HHAT: variants seen among roughly 807,000 people sequenced by gnomAD.
HHAT encodes the protein hedgehog acyltransferase, also known as protein-cysteine N-palmitoyltransferase HHAT.
A neutral mutation model predicts 70.8 loss-of-function variants in HHAT; 47 were observed. That is an observed-to-expected ratio of 0.66 (90% confidence interval 0.53 to 0.85). HHAT has a LOEUF of 0.85. Among genes scored for constraint, HHAT ranks in the 40% least tolerant of loss-of-function variants. HHAT has a pLI of 0.00. For synonymous variants in HHAT, 228 were observed against 247.6 expected (o/e 0.92, Z 0.74); for missense variants, 609 against 604.8 (o/e 1.01, Z -0.07).
intron 11 of HHAT, among the ~76,000 whole-genome samples, chr1:210,625,587 A>G (rs1005490126): frequency 7.2e-5 from 11 of 152,238 alleles, no homozygotes; most frequent in Admixed American, 6.5e-4. Flanking sequence ...TGGGCTTTTC[A>G]GAAGAGGTGG....
chr1:210,619,028 A>G (rs1370387722), intron 10 of HHAT, among the ~76,000 whole-genome samples: 1 of 152,128 alleles, frequency 6.6e-6, no homozygotes, highest in African/African-American at 2.4e-5. Context: ...CCTCCATCTC[A>G]TCTTAGTCTC....
chr1:210,542,492 A>AT (rs2095440328), intron 9 of HHAT, among the ~76,000 whole-genome samples: 2 of 139,198 alleles, frequency 1.4e-5, no homozygotes, highest in South Asian at 5.0e-4. Flanking sequence ...TTAGTTAAAA[A>AT]AAAAATATAT....
intron 10 of HHAT, among the ~76,000 whole-genome samples, chr1:210,604,091 T>C (rs1305176091): frequency 6.6e-6 from 1 of 152,136 alleles, no homozygotes. Flanking sequence ...TTTTTTGTTT[T>C]GTTTTGTTTT....
chr1:210,526,470 T>C (rs1200955666), intron 9 of HHAT, among the ~76,000 whole-genome samples: 1 of 151,578 alleles, frequency 6.6e-6, no homozygotes, highest in African/African-American at 2.4e-5. Context: ...GCTTTGCCTA[T>C]GAGCTGCGTC....
chr1:210,347,734 T>TG (rs1386486617), intron 1 of HHAT, among the ~76,000 whole-genome samples: 1 of 152,294 alleles, frequency 6.6e-6, no homozygotes, highest in Non-Finnish European at 1.5e-5. Flanking sequence ...CTAAGTAGTC[T>TG]GGGGCACTTT....
At chr1:210,336,455 A>G (rs2085508982) in intron 1 of HHAT, among the ~76,000 whole-genome samples, 1 of 151,844 alleles carries the variant, frequency 6.6e-6, no homozygotes, top group Non-Finnish European at 1.5e-5. Context: ...CTCAGTGACA[A>G]TTACTTGGTA....
At chr1:210,574,804 A>C (rs1298008630) in intron 9 of HHAT, among the ~76,000 whole-genome samples, 1 of 152,182 alleles carries the variant, frequency 6.6e-6, no homozygotes, top group Non-Finnish European at 1.5e-5. Flanking sequence ...TCTTTATTGC[A>C]CTTGTCCTCA....
intron 10 of HHAT, among the ~76,000 whole-genome samples, chr1:210,591,899 G>A (rs1239701118): frequency 6.6e-6 from 1 of 152,040 alleles, no homozygotes; most frequent in Non-Finnish European, 1.5e-5. Context: ...TCCCCGTAGA[G>A]TTGTTTGAGC....
chr1:210,611,574 G>C (rs574550345), intron 10 of HHAT, among the ~76,000 whole-genome samples: 1 of 152,202 alleles, frequency 6.6e-6, no homozygotes, highest in Admixed American at 6.5e-5. Context: ...GAGCATCCTT[G>C]TCTAGTGCTG....
At chr1:210,505,419 G>T (rs555434089) in intron 8 of HHAT, among the ~76,000 whole-genome samples, 159 of 152,282 alleles carry the variant, frequency 1.0e-3, no homozygotes, top group African/African-American at 3.6e-3. Context: ...GGGCCTGGTC[G>T]ATCAGCCTCA....
intron 8 of HHAT, among the ~76,000 whole-genome samples, chr1:210,505,246 A>G (rs575821941): frequency 2.0e-5 from 3 of 152,126 alleles, no homozygotes; most frequent in Non-Finnish European, 4.4e-5. Flanking sequence ...AGGTTAACAG[A>G]TGGAGCTGAA....
rs539194205 is a variant in HHAT, at chr1:210,661,013, A to G, written c.1391-13275A>G. ...ATTCAGGACATAGGCATGGGCAAGG[A>G]CTTCATGACTAAAACACCAAAAGCA... On this transcript the variant is annotated intron_variant, in intron 11 of 11. Transcript: ENST00000261458. Among the ~76,000 whole-genome samples, 5 of 152,352 alleles carry G rather than the reference A, an allele frequency of 3.3e-5. No individual in the cohort carries two copies. In the South Asian group the frequency reaches 1.0e-3, roughly 32 times the overall value.
chr1:210,350,953 G>A (rs1451632287), intron 2 of HHAT, among the ~76,000 whole-genome samples: 1 of 152,158 alleles, frequency 6.6e-6, no homozygotes, highest in Non-Finnish European at 1.5e-5. Flanking sequence ...GAGAGCTTTT[G>A]TTATGAATGA....
intron 2 of HHAT, among the ~76,000 whole-genome samples, chr1:210,360,399 C>T (rs1003067140): frequency 3.4e-4 from 52 of 151,936 alleles, no homozygotes; most frequent in African/African-American, 1.2e-3. Flanking sequence ...CAACTTCTGC[C>T]TCCTGGGTTC....
chr1:210,593,446 G>A (rs1307642477), intron 10 of HHAT, among the ~76,000 whole-genome samples: 1 of 152,036 alleles, frequency 6.6e-6, no homozygotes, highest in Non-Finnish European at 1.5e-5. Flanking sequence ...TCATTCAGGA[G>A]CATATTGGTT....
intron 8 of HHAT, among the ~76,000 whole-genome samples, chr1:210,510,428 C>G (rs1310978687): frequency 4.6e-5 from 7 of 152,224 alleles, no homozygotes; most frequent in Non-Finnish European, 1.0e-4. Context: ...CTTACGTGAA[C>G]TTCCATCACT....
At chr1:210,621,800 G>A (rs1668877763) in intron 10 of HHAT, among the ~76,000 whole-genome samples, 1 of 152,170 alleles carries the variant, frequency 6.6e-6, no homozygotes, top group African/African-American at 2.4e-5. Context: ...TACATCACTG[G>A]AGAGCATTCC....
chr1:210,498,110 G>A (rs1034290483), intron 8 of HHAT, among the ~76,000 whole-genome samples: 10 of 151,984 alleles, frequency 6.6e-5, no homozygotes, highest in Non-Finnish European at 1.3e-4. Context: ...TCTGTGGTCA[G>A]GGACTGTCCA....
chr1:210,329,097 G>A lies in HHAT; in HGVS notation c.-51G>A. 7.2e-7 allele frequency: 1 copy of A among 1,397,686 alleles called. No homozygotes were observed. Among genetic ancestry groups the A allele is most frequent in the Non-Finnish European group, 9.3e-7 (1 of 1,074,676 alleles). The allele number at this position is 1,397,686 out of a possible 1,614,324, so 86.6% of individuals were successfully genotyped here. On this transcript the variant is annotated 5_prime_UTR_variant, in exon 1 of 12. Transcript: ENST00000261458. ...GTTGCCGTCGCCGCCGCCCGGGACA[G>A]CCCGGAGGTTGGTAACTGGTGACCA...
Sources: gnomAD v4.1 joint callset for allele counts (sites outside exome capture counted in the v4.1 genomes callset) on GRCh38, gnomAD v4.1.1 for gene constraint, MANE v1.5 for transcripts, NCBI Gene and HGNC (gene_info 2026-07-23, HGNC 2026-07-21) for gene names.